PKD2L1: variants seen among roughly 807,000 people sequenced by gnomAD.
PKD2L1 encodes polycystin 2 like 1, transient receptor potential cation channel, also known as polycystin-2-like protein 1.
A neutral mutation model predicts 93.0 loss-of-function variants in PKD2L1; 77 were observed. That is an observed-to-expected ratio of 0.83 (90% CI 0.69 to 1.00). The LOEUF (loss-of-function observed/expected upper bound fraction) is 1.00. PKD2L1 is among the 50% of genes least tolerant of loss of function. PKD2L1 has a pLI of 0.00. For missense variants in PKD2L1, 977 were observed against 990.9 expected (o/e 0.99, Z 0.19); for synonymous variants, 390 against 388.0 (o/e 1.01, Z -0.06).
At chr10:100,294,770 C>A (rs1163371023) in intron 8 of PKD2L1, 115 bp from the exon 9 acceptor site, 2 of 1,458,148 alleles carry the variant, frequency 1.4e-6, no homozygotes, top group Non-Finnish European at 1.9e-6. Context: ...AGACACAGGG[C>A]AGGGTGCTTA....
intron 2 of PKD2L1, among the ~76,000 whole-genome samples, chr10:100,318,802 A>G (rs1359082545): frequency 6.7e-6 from 1 of 149,772 alleles, no homozygotes; most frequent in African/African-American, 2.5e-5. Context: ...TACAGGCGTG[A>G]GCCACCGCAC....
intron 2 of PKD2L1, among the ~76,000 whole-genome samples, chr10:100,312,001 C>T (rs1185405450): frequency 2.0e-5 from 3 of 152,160 alleles, no homozygotes; most frequent in East Asian, 3.9e-4. Flanking sequence ...TCCTCTTGGG[C>T]AATTCCTCCT....
intron 9 of PKD2L1, among the ~76,000 whole-genome samples, chr10:100,294,237 C>T (rs781542325): frequency 1.1e-4 from 16 of 152,246 alleles, no homozygotes; most frequent in East Asian, 9.6e-4. Context: ...GTCGTAGACG[C>T]TTCCAGGTGC....
chr10:100,318,766 A>G (rs1353155417), intron 2 of PKD2L1, among the ~76,000 whole-genome samples: 1 of 150,592 alleles, frequency 6.6e-6, no homozygotes, highest in East Asian at 1.9e-4. Context: ...TGATCCACCC[A>G]CCTTGGCCTC....
rs553058192 is a variant in PKD2L1, at chr10:100,299,297, A to G, written c.477+294T>C. Among the ~76,000 whole-genome samples, 51 of 152,242 alleles carry G rather than the reference A, an allele frequency of 3.3e-4. 1 individual carries two copies. Among genetic ancestry groups the G allele is most frequent in the African/African-American group, 1.1e-3 (45 of 41,540 alleles). On this transcript the variant is annotated intron_variant, in intron 3 of 15. Transcript: ENST00000318222. Reference sequence around the variant, plus strand: ...CTCCATTGACCAATGAACCTTGACCAGAGTCTGACCTGAAGTGGCCCTACT... The same window carrying G: ...CTCCATTGACCAATGAACCTTGACCGGAGTCTGACCTGAAGTGGCCCTACT...
At chr10:100,290,329 GA>G in intron 13 of PKD2L1, 71 bp downstream of exon 13, 1 of 1,297,970 alleles carries the variant, frequency 7.7e-7, no homozygotes. Context: ...AAAGTTGTGG[GA>G]AAAGTACAAG....
intron 2 of PKD2L1, among the ~76,000 whole-genome samples, chr10:100,322,125 C>T (rs747598806): frequency 5.9e-5 from 9 of 151,686 alleles, no homozygotes; most frequent in Non-Finnish European, 8.8e-5. Context: ...ACTTTTAGGG[C>T]TGAGGTGGGA....
intron 2 of PKD2L1, among the ~76,000 whole-genome samples, chr10:100,321,538 G>A (rs892426469): frequency 6.7e-6 from 1 of 148,678 alleles, no homozygotes; most frequent in Non-Finnish European, 1.5e-5. Context: ...GCAGGGTGTG[G>A]TGGTGTGTCC....
At position 100,288,264 on chromosome 10, in the gene PKD2L1, C is replaced by T. The variant is rs752938223; in HGVS notation, c.*132G>A. The T allele has an allele frequency of 6.7e-5, 45 of 672,812 alleles. No homozygotes were observed. Among genetic ancestry groups the T allele is most frequent in the Non-Finnish European group, 1.1e-4 (41 of 372,072 alleles). 41.7% of individuals were successfully genotyped at this position (672,812 alleles called of 1,614,324 possible). ...AGATCTCTGAATCCTGAGTTCATTT[C>T]CTTGCCTGATTCCCTTCAGGCTCCA... is the stretch of plus-strand genomic sequence containing the variant. On this transcript the variant is annotated 3_prime_UTR_variant, in exon 16 of 16. Coordinates refer to ENST00000318222, the MANE Select transcript of PKD2L1 (RefSeq NM_016112.3).
intron 9 of PKD2L1, 120 bp downstream of exon 9, chr10:100,294,415 C>T: frequency 2.9e-6 from 3 of 1,051,236 alleles, no homozygotes; most frequent in Non-Finnish European, 4.3e-6. Context: ...GACATCGGCC[C>T]CCCCACTCAC....
chr10:100,293,479 G>T (rs1361442143), intron 9 of PKD2L1, 100 bp from the exon 10 acceptor site: 1 of 781,118 alleles, frequency 1.3e-6, no homozygotes, highest in East Asian at 2.5e-5. Flanking sequence ...TTCCAAAGGG[G>T]TCAGTGCTCT....
rs375579622 is a variant in PKD2L1, at chr10:100,294,674, G to A, written c.1539-19C>T. 6.2e-7 allele frequency: 1 copy of A among 1,613,934 alleles called. No homozygotes were observed. Among genetic ancestry groups the A allele is most frequent in the Non-Finnish European group, 8.5e-7 (1 of 1,179,936 alleles). On this transcript the variant is annotated intron_variant, in intron 8 of 15. Coordinates refer to ENST00000318222, the MANE Select transcript of PKD2L1 (RefSeq NM_016112.3). ...AGTGAAACTGAGAGACCAGGTCTGG[G>A]CTTTACCCAGAGCCTAACAAACACC...
rs1735117627 is a variant in PKD2L1 at position 100,291,552 on chromosome 10, G to A, written c.1881-125C>T. On this transcript the variant is annotated intron_variant, in intron 11 of 15. Coordinates refer to ENST00000318222, the MANE Select transcript of PKD2L1 (RefSeq NM_016112.3). ...CTTCTGGTAAAGAAGGTTCTCCAAAGTCTAGCAATCTTACCCCCAGGAAAA... is the reference window on the plus strand; with the variant it reads ...CTTCTGGTAAAGAAGGTTCTCCAAAATCTAGCAATCTTACCCCCAGGAAAA... 18 of 921,326 alleles carry A rather than the reference G, an allele frequency of 2.0e-5. No homozygotes were observed. The South Asian group carries it at 3.0e-4, about 15-fold the overall frequency. 57.1% of individuals were successfully genotyped at this position (921,326 alleles called of 1,614,324 possible).
intron 2 of PKD2L1, among the ~76,000 whole-genome samples, chr10:100,318,094 A>AG (rs1849141478): frequency 6.6e-6 from 1 of 151,976 alleles, no homozygotes. Context: ...AAAAAAAAAA[A>AG]AGAGAGAAGA....
At chr10:100,291,449 G>T (rs1445323217) in intron 11 of PKD2L1, 22 bp from the exon 12 acceptor site, 4 of 1,612,956 alleles carry the variant, frequency 2.5e-6, no homozygotes, top group African/African-American at 2.7e-5. Flanking sequence ...ATGATGAAAT[G>T]ATTTCTGCCC....
intron 2 of PKD2L1, among the ~76,000 whole-genome samples, chr10:100,303,645 A>G (rs555621536): frequency 1.3e-5 from 2 of 152,292 alleles, no homozygotes; most frequent in South Asian, 2.1e-4. Flanking sequence ...CAGGGGGAAA[A>G]AATGGCAAAG....
intron 2 of PKD2L1, among the ~76,000 whole-genome samples, chr10:100,317,598 A>G (rs1398163436): frequency 6.6e-6 from 1 of 152,206 alleles, no homozygotes; most frequent in Non-Finnish European, 1.5e-5. Flanking sequence ...AAGTCTCCTA[A>G]TGTCTGGCTT....
rs773359279 is a variant in PKD2L1 at position 100,297,545 on chromosome 10, A to G, written c.793T>C (p.Tyr265His). 2.5e-6 allele frequency: 4 copies of G among 1,614,152 alleles called. No homozygotes were observed. In the Admixed American group the frequency reaches 6.7e-5, roughly 27 times the overall value. The change falls in exon 5 of 16, where the codon TAC becomes CAC. Residue 265 changes from tyrosine (Y) to histidine (H), a missense_variant. Tyr to His is a moderately conservative substitution (Grantham distance 83). Coordinates refer to ENST00000318222, the MANE Select transcript of PKD2L1 (RefSeq NM_016112.3). The stretch of plus-strand genomic sequence containing the variant: ...TCCAGGTAGTAGCCACCTCCGCTGT[A>G]GCTTGTGAGCCTGCCCCAGTGGGAG... ...GFSHWGRLTS[Y>H]SGGGYYLDLP...
intron 2 of PKD2L1, among the ~76,000 whole-genome samples, chr10:100,307,084 A>C (rs1166787947): frequency 6.6e-6 from 1 of 152,062 alleles, no homozygotes; most frequent in Non-Finnish European, 1.5e-5. Flanking sequence ...TATCCATTTC[A>C]TCATCACCCT....
Sources: gnomAD v4.1 joint callset for allele counts (sites outside exome capture counted in the v4.1 genomes callset) on GRCh38, gnomAD v4.1.1 for gene constraint, MANE v1.5 for transcripts, NCBI Gene and HGNC (gene_info 2026-07-23, HGNC 2026-07-21) for gene names.